Variants in DNAH6 observed in about 807,000 individuals in gnomAD.
DNAH6 encodes dynein axonemal heavy chain 6, also known as axonemal beta dynein heavy chain 6.
In DNAH6, 340 loss-of-function variants were observed where a neutral mutation model predicts 491.4. That is an observed-to-expected ratio of 0.69 (90% CI 0.63 to 0.76). The LOEUF (loss-of-function observed/expected upper bound fraction) is 0.76, where lower values mean the gene tolerates loss of function less well. Among genes scored for constraint, DNAH6 ranks in the 30% least tolerant of loss-of-function variants. The pLI is 0.00. For missense variants in DNAH6, 4,443 were observed against 4,972.2 expected (o/e 0.89, Z 3.20); for synonymous variants, 1,603 against 1,686.1 (o/e 0.95, Z 1.21).
At chr2:84,503,948 A>C in the DNAH6 span, among the ~76,000 whole-genome samples, 3 of 152,050 alleles carry the variant, frequency 2.0e-5, no homozygotes, top group Admixed American at 6.5e-5. Flanking sequence ...TCTTTCTCTA[A>C]GTTTGGGAAA....
At chr2:84,506,413 T>C in the DNAH6 span, among the ~76,000 whole-genome samples, 1 of 152,058 alleles carries the variant, frequency 6.6e-6, no homozygotes, top group Non-Finnish European at 1.5e-5. Context: ...TTTGATGGGG[T>C]TGTTTGTTTT....
intron 40 of DNAH6, among the ~76,000 whole-genome samples, chr2:84,675,459 C>G (rs977444081): frequency 2.0e-5 from 3 of 152,146 alleles, no homozygotes; most frequent in African/African-American, 7.2e-5. Flanking sequence ...ACACTCTTCC[C>G]TTTGCCAGAA....
intron 69 of DNAH6, among the ~76,000 whole-genome samples, chr2:84,796,938 G>T (rs182797807): frequency 7.4e-4 from 113 of 152,258 alleles, no homozygotes; most frequent in African/African-American, 2.6e-3. Context: ...TCTGTGAGTT[G>T]GAGATAGTTT....
Position 84,624,388 on chromosome 2 carries a change from A to C in DNAH6, c.4195A>C (p.Lys1399Gln). ...RDIVTELVQS[K>Q]VETVESFDWQ... Reference sequence around the variant, plus strand: ...TATAGTCACTGAACTTGTTCAATCCAAGGTAACTGTTTCATTTAAGTAAAA... The same window carrying C: ...TATAGTCACTGAACTTGTTCAATCCCAGGTAACTGTTTCATTTAAGTAAAA... Residue 1399 changes from lysine to glutamine, a missense_variant and splice_region_variant, in exon 27 of 77, where the codon AAG becomes CAG. By Grantham distance (53) the Lys-to-Gln change is moderately conservative. This residue lies in a region of DNAH6 where 2,977 missense variants were observed against 3,296.6 expected (regional missense o/e 0.90). Coordinates refer to ENST00000389394, the MANE Select transcript of DNAH6 (RefSeq NM_001370.2). 1 of 1,550,206 alleles carries C rather than the reference A, an allele frequency of 6.5e-7. No individual in the cohort carries two copies. Among genetic ancestry groups the C allele is most frequent in the South Asian group, 1.2e-5 (1 of 83,660 alleles).
chr2:84,700,956 C>G, intron 48 of DNAH6, 141 bp from the exon 49 acceptor site: 1 of 962,164 alleles, frequency 1.0e-6, no homozygotes, highest in South Asian at 1.7e-5. Flanking sequence ...TCATTAAGCA[C>G]CATAGACATG....
At chr2:84,469,672 A>T in the DNAH6 span, among the ~76,000 whole-genome samples, 1 of 152,166 alleles carries the variant, frequency 6.6e-6, no homozygotes, top group African/African-American at 2.4e-5. The surrounding 1 kb of genome is among the most constrained non-coding windows in gnomAD (Gnocchi z 4.0). Context: ...TAACAAAGGG[A>T]TCTTTTCCAG....
intron 68 of DNAH6, among the ~76,000 whole-genome samples, chr2:84,789,890 G>A (rs1019224187): frequency 1.3e-5 from 2 of 151,942 alleles, no homozygotes; most frequent in African/African-American, 2.4e-5. Context: ...TTTGTTAAAG[G>A]GCACCCATTT....
intron 68 of DNAH6, 57 bp downstream of exon 68, chr2:84,787,359 A>G: frequency 1.4e-6 from 2 of 1,421,318 alleles, no homozygotes; most frequent in Non-Finnish European, 1.9e-6. Flanking sequence ...TTGTTGGTTT[A>G]CTCCCACCTG....
At chr2:84,745,336 G>C in intron 63 of DNAH6, 87 bp downstream of exon 63, 1 of 1,082,190 alleles carries the variant, frequency 9.2e-7, no homozygotes. Flanking sequence ...ATTTATTTGA[G>C]AGTAACAATG....
At chr2:84,535,579 G>A (rs951972939) in intron 4 of DNAH6, among the ~76,000 whole-genome samples, 1 of 151,526 alleles carries the variant, frequency 6.6e-6, no homozygotes, top group African/African-American at 2.4e-5. Flanking sequence ...GAAGCTAGGA[G>A]TGCAAGAACA....
chr2:84,583,951 A>C lies in DNAH6; in HGVS notation c.2230-48A>C. On this transcript the variant is annotated intron_variant, in intron 14 of 76. Coordinates refer to ENST00000389394, the MANE Select transcript of DNAH6 (RefSeq NM_001370.2). ...TCCTGTTAGAACAAACTTCAAGACT[A>C]AACTAGGATTCTGCTACATTTAATG... The C allele has an allele frequency of 1.9e-6, 3 of 1,596,278 alleles. No homozygotes were observed. In the South Asian group the frequency reaches 3.4e-5, roughly 18 times the overall value.
the DNAH6 span, among the ~76,000 whole-genome samples, chr2:84,510,194 T>C: frequency 1.3e-5 from 2 of 152,244 alleles, no homozygotes; most frequent in African/African-American, 2.4e-5. Context: ...CCATTCTCCC[T>C]GTCACTTTCA....
intron 11 of DNAH6, among the ~76,000 whole-genome samples, chr2:84,558,559 G>T (rs1680312218): frequency 6.6e-6 from 1 of 152,112 alleles, no homozygotes; most frequent in African/African-American, 2.4e-5. Flanking sequence ...CAGAGCCAGG[G>T]TGACTCACCA....
In DNAH6 at chr2:84,556,479, G is replaced by A. The variant is rs906382992; in HGVS notation, c.1603-1256G>A. Among the ~76,000 whole-genome samples the A allele has an allele frequency of 1.2e-4, 18 of 152,264 alleles. 2 individuals carry two copies. The highest frequency in any genetic ancestry group is 7.2e-4 in the Admixed American group (11 of 15,290). The stretch of plus-strand genomic sequence containing the variant: ...GATTATACTGTTGTCTGATATACTC[G>A]ACAAGCTCCTCTTCATCTTTTGAGA... On this transcript the variant is annotated intron_variant, in intron 10 of 76. Coordinates refer to ENST00000389394, the MANE Select transcript of DNAH6 (RefSeq NM_001370.2).
intron 12 of DNAH6, among the ~76,000 whole-genome samples, chr2:84,576,184 G>A (rs939570668): frequency 1.3e-5 from 2 of 152,036 alleles, no homozygotes; most frequent in Non-Finnish European, 2.9e-5. Context: ...TAATTTAGTC[G>A]GCTTTCAAAA....
chr2:84,483,486 A>G, the DNAH6 span, among the ~76,000 whole-genome samples: 1 of 152,148 alleles, frequency 6.6e-6, no homozygotes, highest in African/African-American at 2.4e-5. Flanking sequence ...CAATCAACCT[A>G]GAGATAGCAC....
intron 11 of DNAH6, among the ~76,000 whole-genome samples, chr2:84,561,729 A>T (rs1031517164): frequency 1.3e-5 from 2 of 152,230 alleles, no homozygotes; most frequent in East Asian, 3.9e-4. Context: ...AAAGTGGGCA[A>T]AGGATATGAA....
At position 84,605,600 on chromosome 2, in the gene DNAH6, A is replaced by G. The variant is rs1350560242; in HGVS notation, c.3174+8A>G. ...GGCACAGATGACATACAGGTGGGTA[A>G]CTGGGTTATTGAAAACTTATGGTAA... is the stretch of plus-strand genomic sequence containing the variant. On this transcript the variant is annotated splice_region_variant and intron_variant, in intron 20 of 76. Coordinates refer to ENST00000389394, the MANE Select transcript of DNAH6 (RefSeq NM_001370.2). 3 of 1,540,868 alleles carry G rather than the reference A, an allele frequency of 1.9e-6. No homozygotes were observed. The highest frequency in any genetic ancestry group is 2.4e-5 in the South Asian group (2 of 83,422).
At chr2:84,818,604 G>C (rs1249199459) in intron 76 of DNAH6, among the ~76,000 whole-genome samples, 1 of 149,760 alleles carries the variant, frequency 6.7e-6, no homozygotes, top group Non-Finnish European at 1.5e-5. Flanking sequence ...AATCACCACA[G>C]CAGTGCTGTC....
Sources: gnomAD v4.1 joint callset for allele counts (sites outside exome capture counted in the v4.1 genomes callset) on GRCh38, gnomAD v4.1.1 for gene constraint, gnomAD v4.1.1 regional missense constraint, Gnocchi (gnomAD v3.1) non-coding constraint, MANE v1.5 for transcripts, NCBI Gene and HGNC (gene_info 2026-07-23, HGNC 2026-07-21) for gene names.